Variants in SHISA3 observed in about 807,000 individuals in gnomAD.
SHISA3 encodes protein shisa-3 homolog.
A neutral mutation model predicts 19.2 loss-of-function variants in SHISA3; 15 were observed. That is an observed-to-expected ratio of 0.78 (90% CI 0.52 to 1.20). The LOEUF is 1.20. Among genes scored for constraint, SHISA3 ranks in the 50% most tolerant of loss-of-function variants. SHISA3 has a pLI of 0.00. For missense variants in SHISA3, 327 were observed against 315.7 expected, an observed-to-expected ratio of 1.04 and a Z score of -0.27; for synonymous variants, 145 against 135.2, an observed-to-expected ratio of 1.07 and a Z score of -0.50.
Position 42,402,009 on chromosome 4 carries a change from C to A in SHISA3, c.*558C>A, listed in dbSNP as rs1286886449. On this transcript the variant is annotated 3_prime_UTR_variant, in exon 2 of 2. Coordinates refer to ENST00000319234, the MANE Select transcript of SHISA3 (RefSeq NM_001080505.3). ...GAACATTTACTTTTTAAATAAATAACTAAATTTTGTTTACAATATGAGTTT... is the reference window on the plus strand; with the variant it reads ...GAACATTTACTTTTTAAATAAATAAATAAATTTTGTTTACAATATGAGTTT... The A allele has an allele frequency of 6.6e-6, 1 of 152,160 alleles. No homozygotes were observed. The highest frequency in any genetic ancestry group is 1.5e-5 in the Non-Finnish European group (1 of 68,054). 9.4% of individuals were successfully genotyped at this position (152,160 alleles called of 1,614,324 possible). A position where few individuals can be genotyped will look rare whatever the true frequency, so the allele number is the denominator to read the frequency against.
In SHISA3 at chr4:42,400,997, G is replaced by A. The variant is rs779896559; in HGVS notation, c.278-15G>A. ...CTCATCTGAGCATCTGTTTATGTCT[G>A]TTTTTGCCTTTTAGAGCCTGTCTAC... On this transcript the variant is annotated splice_polypyrimidine_tract_variant and intron_variant, in intron 1 of 1. Coordinates refer to ENST00000319234, the MANE Select transcript of SHISA3 (RefSeq NM_001080505.3). The A allele has an allele frequency of 3.7e-6, 6 of 1,611,674 alleles. No homozygotes were observed. Among genetic ancestry groups the A allele is most frequent in the Non-Finnish European group, 4.2e-6 (5 of 1,178,368 alleles).
At chr4:42,400,958 G>T in intron 1 of SHISA3, 54 bp from the exon 2 acceptor site, 1 of 1,567,966 alleles carries the variant, frequency 6.4e-7, no homozygotes, top group South Asian at 1.2e-5. Flanking sequence ...GCAGAGTTCA[G>T]AATCTGGGAG....
In SHISA3 at chr4:42,398,050, A is replaced by T. The variant is rs764160097; in HGVS notation, c.-7A>T. On this transcript the variant is annotated 5_prime_UTR_variant, in exon 1 of 2. Coordinates refer to ENST00000319234, the MANE Select transcript of SHISA3 (RefSeq NM_001080505.3). The stretch of plus-strand genomic sequence containing the variant: ...CTGCTCCCGGCCGCCCAGGGAGCCC[A>T]GTGGCGATGAGGGCACTGCTGGCGC... The T allele has an allele frequency of 1.6e-5, 25 of 1,571,578 alleles. No homozygotes were observed. The highest frequency in any genetic ancestry group is 2.2e-5 in the Non-Finnish European group (25 of 1,160,690).
chr4:42,398,385 T>G (rs1259764078), intron 1 of SHISA3, 52 bp downstream of exon 1: 2 of 1,474,648 alleles, frequency 1.4e-6, no homozygotes, highest in Admixed American at 2.3e-5. Context: ...CGGCGGCGGC[T>G]GCATGTGTGC....
At chr4:42,399,639 C>T (rs2153163153) in intron 1 of SHISA3, among the ~76,000 whole-genome samples, 1 of 152,358 alleles carries the variant, frequency 6.6e-6, no homozygotes, top group East Asian at 1.9e-4. Context: ...AGTCTCCACA[C>T]TCACTGAGTC....
rs1036058796 is a variant in SHISA3, at chr4:42,401,247, A to G, written c.513A>G (p.Thr171=). Residue 171 remains threonine, a synonymous_variant, in exon 2 of 2, where the codon ACA becomes ACG. Transcript: ENST00000319234. The stretch of plus-strand genomic sequence containing the variant: ...GCACAGCCACGAGCTCCAGCTCCAC[A>G]GGCGGCTCCATCCGCAGGTTCTCCT... The part of the protein sequence containing the change: ...QSSTATSSSS[T]GGSIRRFSFA... 1 of 1,614,142 alleles carries G rather than the reference A, an allele frequency of 6.2e-7. No individual in the cohort carries two copies. Among genetic ancestry groups the G allele is most frequent in the South Asian group, 1.1e-5 (1 of 91,078 alleles).
Position 42,401,629 on chromosome 4 carries a change from G to C in SHISA3, c.*178G>C, listed in dbSNP as rs1030928202. On this transcript the variant is annotated 3_prime_UTR_variant, in exon 2 of 2. Transcript: ENST00000319234. ...AGTTCCTGTCTCCAATCACAGAAAGGCTAAACCAGAGAACTGTTTTCTGGT... is the reference window on the plus strand; with the variant it reads ...AGTTCCTGTCTCCAATCACAGAAAGCCTAAACCAGAGAACTGTTTTCTGGT... 8.1e-5 allele frequency: 51 copies of C among 628,932 alleles called. No homozygotes were observed. Among genetic ancestry groups the C allele is most frequent in the Non-Finnish European group, 1.1e-4 (42 of 384,000 alleles). 39.0% of individuals were successfully genotyped at this position (628,932 alleles called of 1,614,324 possible).
chr4:42,400,480 A>T (rs28619992), intron 1 of SHISA3, among the ~76,000 whole-genome samples: 132 of 152,196 alleles, frequency 8.7e-4, no homozygotes, highest in Non-Finnish European at 1.7e-3. Flanking sequence ...GAATTTCTTT[A>T]TACTGTTCTT....
In SHISA3 at chr4:42,398,349, TC is replaced by T; in HGVS notation, c.277+17del. ...ATCACTGCGCGTAAGTGCGGGGCCC[TC>T]GGGGACATATCCCCGCCCGCCTAAC... On this transcript the variant is annotated intron_variant, in intron 1 of 1. Coordinates refer to ENST00000319234, the MANE Select transcript of SHISA3 (RefSeq NM_001080505.3). 6.6e-7 allele frequency: 1 copy of T among 1,524,354 alleles called. No individual in the cohort carries two copies. Among genetic ancestry groups the T allele is most frequent in the Non-Finnish European group, 8.8e-7 (1 of 1,137,880 alleles). 94.4% of individuals were successfully genotyped at this position (1,524,354 alleles called of 1,614,324 possible).
rs961000975 is a variant in SHISA3, at chr4:42,401,993, C to A, written c.*542C>A. On this transcript the variant is annotated 3_prime_UTR_variant, in exon 2 of 2. Transcript: ENST00000319234. ...AATATTAGCATAATGAGAACATTTA[C>A]TTTTTAAATAAATAACTAAATTTTG... is the stretch of plus-strand genomic sequence containing the variant. 4.6e-5 allele frequency: 7 copies of A among 152,204 alleles called. No individual in the cohort carries two copies. Among genetic ancestry groups the A allele is most frequent in the African/African-American group, 1.7e-4 (7 of 41,440 alleles). 9.4% of individuals were successfully genotyped at this position (152,204 alleles called of 1,614,324 possible).
Position 42,397,846 on chromosome 4 carries a change from C to A in SHISA3, c.-211C>A. ...GCCCTCGCCAACTCGCCCCGCGCAC[C>A]ATGCTGACTCCCGGCCTGCGGAACT... On this transcript the variant is annotated 5_prime_UTR_variant, in exon 1 of 2. Coordinates refer to ENST00000319234, the MANE Select transcript of SHISA3 (RefSeq NM_001080505.3). 1 of 456,042 alleles carries A rather than the reference C, an allele frequency of 2.2e-6. No homozygotes were observed. The highest frequency in any genetic ancestry group is 4.3e-5 in the Admixed American group (1 of 23,194). 28.2% of individuals were successfully genotyped at this position (456,042 alleles called of 1,614,324 possible).
chr4:42,401,547 A>T lies in SHISA3; in HGVS notation c.*96A>T, dbSNP rs1213092594. On this transcript the variant is annotated 3_prime_UTR_variant, in exon 2 of 2. Coordinates refer to ENST00000319234, the MANE Select transcript of SHISA3 (RefSeq NM_001080505.3). Reference sequence around the variant, plus strand: ...GCAATTCTGAGAAAATTTCCCTTGTAACTGATCAGTGTCATGGAGGAGCAT... The same window carrying T: ...GCAATTCTGAGAAAATTTCCCTTGTTACTGATCAGTGTCATGGAGGAGCAT... 2 of 1,316,220 alleles carry T rather than the reference A, an allele frequency of 1.5e-6. No homozygotes were observed. Among genetic ancestry groups the T allele is most frequent in the East Asian group, 4.7e-5 (2 of 42,132 alleles). The allele number at this position is 1,316,220 out of a possible 1,614,324, so 81.5% of individuals were successfully genotyped here.
Position 42,401,495 on chromosome 4 carries a change from G to T in SHISA3, c.*44G>T. ...CCACAACTCAGTCAGATGGCAGACA[G>T]GTGGAGCCCTGCTCCCATTGCCACA... On this transcript the variant is annotated 3_prime_UTR_variant, in exon 2 of 2. Transcript: ENST00000319234. 1.3e-6 allele frequency: 2 copies of T among 1,526,178 alleles called. No homozygotes were observed. The highest frequency in any genetic ancestry group is 1.8e-6 in the Non-Finnish European group (2 of 1,137,186). The allele number at this position is 1,526,178 out of a possible 1,614,324, so 94.5% of individuals were successfully genotyped here. A position where few individuals can be genotyped will look rare whatever the true frequency, so the allele number is the denominator to read the frequency against.
Position 42,397,976 on chromosome 4 carries a change from C to T in SHISA3, c.-81C>T. The T allele has an allele frequency of 7.5e-7, 1 of 1,341,652 alleles. No individual in the cohort carries two copies. The allele number at this position is 1,341,652 out of a possible 1,614,324, so 83.1% of individuals were successfully genotyped here. A position where few individuals can be genotyped will look rare whatever the true frequency, so the allele number is the denominator to read the frequency against. ...CGACGTGTCCCTGGGGAGGCGGAAT[C>T]GCTGTGCGCCCTGAGCCCGGGCTCA... On this transcript the variant is annotated 5_prime_UTR_variant, in exon 1 of 2. Coordinates refer to ENST00000319234, the MANE Select transcript of SHISA3 (RefSeq NM_001080505.3).
chr4:42,400,342 C>T (rs1487100673), intron 1 of SHISA3, among the ~76,000 whole-genome samples: 1 of 152,166 alleles, frequency 6.6e-6, no homozygotes, highest in Admixed American at 6.5e-5. Flanking sequence ...TCTGACTTCC[C>T]AGGCTTGGAT....
chr4:42,398,036 C>T lies in SHISA3; in HGVS notation c.-21C>T, dbSNP rs1560286439. Reference sequence around the variant, plus strand: ...TTTCCAGCTGCGTCCTGCTCCCGGCCGCCCAGGGAGCCCAGTGGCGATGAG... The same window carrying T: ...TTTCCAGCTGCGTCCTGCTCCCGGCTGCCCAGGGAGCCCAGTGGCGATGAG... On this transcript the variant is annotated 5_prime_UTR_variant, in exon 1 of 2. Coordinates refer to ENST00000319234, the MANE Select transcript of SHISA3 (RefSeq NM_001080505.3). 1.3e-6 allele frequency: 2 copies of T among 1,536,148 alleles called. No individual in the cohort carries two copies. The highest frequency in any genetic ancestry group is 1.4e-5 in the African/African-American group (1 of 72,456).
chr4:42,398,386 G>T (rs1711811770), intron 1 of SHISA3, 53 bp downstream of exon 1: 3 of 1,474,978 alleles, frequency 2.0e-6, no homozygotes, highest in Non-Finnish European at 2.7e-6. Flanking sequence ...GGCGGCGGCT[G>T]CATGTGTGCG....
chr4:42,402,136 C>T lies in SHISA3; in HGVS notation c.*685C>T, dbSNP rs979288813. On this transcript the variant is annotated 3_prime_UTR_variant, in exon 2 of 2. Coordinates refer to ENST00000319234, the MANE Select transcript of SHISA3 (RefSeq NM_001080505.3). Reference sequence around the variant, plus strand: ...CAGAGTGTATGTAAAATCATTTCCCCCACTCACTGGAGGGAGTATTTATTG... The same window carrying T: ...CAGAGTGTATGTAAAATCATTTCCCTCACTCACTGGAGGGAGTATTTATTG... 1.3e-5 allele frequency: 2 copies of T among 152,148 alleles called. No homozygotes were observed. The highest frequency in any genetic ancestry group is 2.9e-5 in the Non-Finnish European group (2 of 68,008). The allele number at this position is 152,148 out of a possible 1,614,324, so 9.4% of individuals were successfully genotyped here.
chr4:42,398,187 G>A lies in SHISA3; in HGVS notation c.131G>A (p.Cys44Tyr), dbSNP rs1185839810. ...VQGNYHEGFQ[C>Y]PEDFDTLDAT... Reference sequence around the variant, plus strand: ...GGCAACTACCACGAGGGCTTCCAGTGCCCAGAGGACTTCGACACGCTGGAC... The same window carrying A: ...GGCAACTACCACGAGGGCTTCCAGTACCCAGAGGACTTCGACACGCTGGAC... The change falls in exon 1 of 2, where the codon TGC becomes TAC. Residue 44 changes from cysteine to tyrosine, a missense_variant. Physicochemically the swap from Cys to Tyr is radical, Grantham distance 194. Transcript: ENST00000319234. The A allele has an allele frequency of 3.1e-6, 5 of 1,606,474 alleles. No homozygotes were observed. Among genetic ancestry groups the A allele is most frequent in the Non-Finnish European group, 2.5e-6 (3 of 1,176,804 alleles).
Sources: allele counts gnomAD v4.1 joint callset (sites outside exome capture counted in the v4.1 genomes callset), GRCh38; gene constraint gnomAD v4.1.1; transcripts MANE v1.5; gene names NCBI Gene and HGNC (gene_info 2026-07-23, HGNC 2026-07-21).